The following LDB3 variants were observed in gnomAD, a reference collection of about 807,000 sequenced individuals.
LDB3 encodes the protein LIM domain binding 3.
In LDB3, 49 loss-of-function variants were observed where a neutral mutation model predicts 69.0. The observed-to-expected ratio is 0.71, with a 90% CI of 0.56 to 0.90. The LOEUF (loss-of-function observed/expected upper bound fraction) is 0.90, where lower values mean the gene tolerates loss of function less well. Ranked by LOEUF, LDB3 falls within the 40% of genes least tolerant of loss-of-function variation. The pLI, the probability that LDB3 is intolerant of heterozygous loss-of-function variation, is 0.00. For missense variants in LDB3, 928 were observed against 974.1 expected, an observed-to-expected ratio of 0.95 and a Z score of 0.63; for synonymous variants, 387 against 396.2, an observed-to-expected ratio of 0.98 and a Z score of 0.28.
At chr10:86,724,356 G>A (rs1290585810) in intron 12 of LDB3, among the ~76,000 whole-genome samples, 2 of 151,726 alleles carry the variant, frequency 1.3e-5, no homozygotes, top group African/African-American at 2.4e-5. Context: ...TGTAATCCCA[G>A]AACTTTGGGA....
At chr10:86,717,381 G>C (rs1846916662) in intron 10 of LDB3, among the ~76,000 whole-genome samples, 1 of 152,086 alleles carries the variant, frequency 6.6e-6, no homozygotes, top group East Asian at 1.9e-4. Context: ...ACACAGAAAA[G>C]TAAAAATTAG....
chr10:86,718,092 A>T lies in LDB3; in HGVS notation c.1805A>T (p.Tyr602Phe). The change falls in exon 11 of 14, where the codon TAT (tyrosine) becomes TTT (phenylalanine). Residue 602 changes from tyrosine (Y) to phenylalanine (F), a missense_variant. Physicochemically the swap from Tyr to Phe is conservative, Grantham distance 22 (BLOSUM62 3). Coordinates refer to ENST00000361373, the MANE Select transcript of LDB3 (RefSeq NM_007078.3). ...AACAACGTTTACTGTGAGCGATGTT[A>T]TGAGCAATTCTTTGCCCCGCTGTGT... The part of the protein sequence containing the change: ...EQNNVYCERC[Y>F]EQFFAPLCAK... 1 of 1,614,182 alleles carries T rather than the reference A, an allele frequency of 6.2e-7. No individual in the cohort carries two copies. Among genetic ancestry groups the T allele is most frequent in the Non-Finnish European group, 8.5e-7 (1 of 1,180,032 alleles).
chr10:86,685,778 G>T, intron 5 of LDB3: 1 of 1,519,096 alleles, frequency 6.6e-7, no homozygotes, highest in South Asian at 1.1e-5. Context: ...GGCGTGGATA[G>T]AGTGTGCCTG....
chr10:86,667,062 C>T (rs1326571753), upstream of LDB3, among the ~76,000 whole-genome samples: 1 of 152,120 alleles, frequency 6.6e-6, no homozygotes, highest in Non-Finnish European at 1.5e-5. Flanking sequence ...GGACTGCTGG[C>T]CTCCTGGGCT....
In LDB3 at chr10:86,718,082, G is replaced by A; in HGVS notation, c.1795G>A (p.Glu599Lys). 1 of 1,614,156 alleles carries A rather than the reference G, an allele frequency of 6.2e-7. No individual in the cohort carries two copies. Among genetic ancestry groups the A allele is most frequent in the South Asian group, 1.1e-5 (1 of 91,076 alleles). The stretch of plus-strand genomic sequence containing the variant: ...GGAAGAGCAGAACAACGTTTACTGT[G>A]AGCGATGTTATGAGCAATTCTTTGC... ...FVEEQNNVYC[E>K]RCYEQFFAPL... The change falls in exon 11 of 14, where the codon GAG (glutamate) becomes AAG (lysine). Residue 599 changes from glutamate to lysine, a missense_variant. Transcript: ENST00000361373.
intron 5 of LDB3, among the ~76,000 whole-genome samples, chr10:86,682,116 C>G (rs928820813): frequency 6.6e-6 from 1 of 152,230 alleles, no homozygotes; most frequent in African/African-American, 2.4e-5. Context: ...GAGATTCTGA[C>G]TTCCAACACT....
In LDB3 at chr10:86,718,092, A is replaced by C. The variant is rs1349969494; in HGVS notation, c.1805A>C (p.Tyr602Ser). 5 of 1,614,182 alleles carry C rather than the reference A, an allele frequency of 3.1e-6. No individual in the cohort carries two copies. The highest frequency in any genetic ancestry group is 4.2e-6 in the Non-Finnish European group (5 of 1,180,032). Residue 602 changes from tyrosine to serine, a missense_variant, in exon 11 of 14, where the codon TAT becomes TCT. Coordinates refer to ENST00000361373, the MANE Select transcript of LDB3 (RefSeq NM_007078.3). ...EQNNVYCERC[Y>S]EQFFAPLCAK... Reference sequence around the variant, plus strand: ...AACAACGTTTACTGTGAGCGATGTTATGAGCAATTCTTTGCCCCGCTGTGT... The same window carrying C: ...AACAACGTTTACTGTGAGCGATGTTCTGAGCAATTCTTTGCCCCGCTGTGT...
intron 12 of LDB3, 38 bp from the exon 13 acceptor site, chr10:86,726,099 C>A (rs1264099999): frequency 6.7e-7 from 1 of 1,483,578 alleles, no homozygotes; most frequent in Non-Finnish European, 9.4e-7. Context: ...CCGCTGCCCC[C>A]ACTGGGTGCG....
chr10:86,715,273 G>A (rs565585820), intron 9 of LDB3, among the ~76,000 whole-genome samples: 1 of 152,328 alleles, frequency 6.6e-6, no homozygotes, highest in South Asian at 2.1e-4. Flanking sequence ...ATGCTTCCTA[G>A]GGTTGGGGGA....
intron 7 of LDB3, among the ~76,000 whole-genome samples, chr10:86,693,233 TG>T (rs58676596): frequency 0.063 from 9,511 of 150,898 alleles, 915 homozygotes; most frequent in African/African-American, 0.21. Flanking sequence ...GAGGTGGGCA[TG>T]GGGGGGGGCA....
intron 2 of LDB3, among the ~76,000 whole-genome samples, chr10:86,669,578 G>T (rs1844343441): frequency 6.6e-6 from 1 of 152,234 alleles, no homozygotes; most frequent in South Asian, 2.1e-4. Flanking sequence ...AGCACTCCAG[G>T]AGCAGGGACT....
At chr10:86,672,735 T>C (rs1201144285) in intron 2 of LDB3, among the ~76,000 whole-genome samples, 1 of 152,212 alleles carries the variant, frequency 6.6e-6, no homozygotes, top group Non-Finnish European at 1.5e-5. Context: ...TGCTCAGAAC[T>C]GCATCTAACT....
intron 12 of LDB3, among the ~76,000 whole-genome samples, chr10:86,725,733 A>G (rs1435630513): frequency 6.6e-6 from 1 of 152,208 alleles, no homozygotes; most frequent in Non-Finnish European, 1.5e-5. Context: ...AGCAAAGAAA[A>G]TTCTATAACT....
intron 13 of LDB3, among the ~76,000 whole-genome samples, chr10:86,728,586 G>GTTTTTTTTTTTGTTTTTTTTTTTTTTTT (rs11271876): frequency 2.3e-5 from 3 of 131,452 alleles, no homozygotes; most frequent in Non-Finnish European, 4.8e-5. Flanking sequence ...TGGTTCTTTT[G>GTTTTTTTTTTTGTTTTTTTTTTTTTTTT]TTTTTTTTTT....
At chr10:86,723,072 G>A (rs2132496906) in intron 12 of LDB3, among the ~76,000 whole-genome samples, 1 of 151,740 alleles carries the variant, frequency 6.6e-6, no homozygotes, top group Admixed American at 6.6e-5. Flanking sequence ...TTCAAGAACA[G>A]CTTGGACAAT....
chr10:86,712,944 C>T (rs1167824078), intron 9 of LDB3, among the ~76,000 whole-genome samples: 1 of 151,886 alleles, frequency 6.6e-6, no homozygotes, highest in Non-Finnish European at 1.5e-5. Context: ...GCCTGTAGTC[C>T]CAGCTACTCG....
At chr10:86,682,404 A>G (rs567240151) in intron 5 of LDB3, among the ~76,000 whole-genome samples, 5 of 152,176 alleles carry the variant, frequency 3.3e-5, no homozygotes, top group Non-Finnish European at 7.4e-5. Flanking sequence ...CAGGACCCCA[A>G]GGAGAAAGGG....
intron 9 of LDB3, among the ~76,000 whole-genome samples, chr10:86,715,823 G>A (rs557166481): frequency 6.6e-6 from 1 of 152,110 alleles, no homozygotes; most frequent in Non-Finnish European, 1.5e-5. Context: ...ACCTGAACCT[G>A]AAAACCCAGC....
chr10:86,708,707 A>G (rs1846533945), intron 8 of LDB3, among the ~76,000 whole-genome samples: 1 of 152,202 alleles, frequency 6.6e-6, no homozygotes, highest in Non-Finnish European at 1.5e-5. Context: ...CGGCAGCTTG[A>G]CAGGGCAAGT....
Sources: allele counts gnomAD v4.1 joint callset (sites outside exome capture counted in the v4.1 genomes callset), GRCh38; gene constraint gnomAD v4.1.1; transcripts MANE v1.5; gene names NCBI Gene and HGNC (gene_info 2026-07-23, HGNC 2026-07-21).